The following CDH12 variants were observed in gnomAD, a reference collection of about 807,000 sequenced individuals.
The protein encoded by CDH12 is cadherin 12.
A neutral mutation model predicts 74.1 loss-of-function variants in CDH12; 41 were observed. The observed-to-expected ratio is 0.55, with a 90% CI of 0.43 to 0.72. The LOEUF (loss-of-function observed/expected upper bound fraction) is 0.72. Ranked by LOEUF, CDH12 falls within the 30% of genes least tolerant of loss-of-function variation. CDH12 has a pLI of 0.00. For synonymous variants in CDH12, 399 were observed against 355.0 expected, an observed-to-expected ratio of 1.12 and a Z score of -1.39; for missense variants, 945 against 977.2, an observed-to-expected ratio of 0.97 and a Z score of 0.44.
chr5:22,690,613 G>C (rs571064506), intron 1 of CDH12, among the ~76,000 whole-genome samples: 2 of 152,238 alleles, frequency 1.3e-5, no homozygotes, highest in South Asian at 4.1e-4. Flanking sequence ...GTGGCAGGAA[G>C]ATAAATGAGC....
chr5:22,159,559 T>G (rs559583525), intron 4 of CDH12, among the ~76,000 whole-genome samples: 1 of 152,316 alleles, frequency 6.6e-6, no homozygotes, highest in African/African-American at 2.4e-5. Flanking sequence ...ACTTAATCGC[T>G]GCTGATAAAC....
At chr5:22,370,025 A>G (rs2126338879) in intron 3 of CDH12, among the ~76,000 whole-genome samples, 1 of 152,244 alleles carries the variant, frequency 6.6e-6, no homozygotes, top group South Asian at 2.1e-4. Context: ...TCTCAAGTAT[A>G]TTGTTCCTGG....
rs142196789 is a variant in CDH12 at position 22,529,743 on chromosome 5, G to T, written c.-522-24379C>A. Among the ~76,000 whole-genome samples the T allele has an allele frequency of 3.0e-3, 453 of 152,304 alleles. 4 individuals carry two copies. The highest frequency in any genetic ancestry group is 9.8e-3 in the African/African-American group (407 of 41,566). Reference sequence around the variant, plus strand: ...CACAGTCCTCTTTAGACTGGGGCAAGGCATTAGAGACATTGGCTATCTTTT... The same window carrying T: ...CACAGTCCTCTTTAGACTGGGGCAATGCATTAGAGACATTGGCTATCTTTT... On this transcript the variant is annotated intron_variant, in intron 1 of 14. Transcript: ENST00000382254.
chr5:22,031,173 A>G lies in CDH12; in HGVS notation c.231+47273T>C, dbSNP rs981827233. Among the ~76,000 whole-genome samples, 7 of 152,170 alleles carry G rather than the reference A, an allele frequency of 4.6e-5. No homozygotes were observed. In the East Asian group the frequency reaches 1.2e-3, roughly 25 times the overall value. ...CATGGTGAAACTCTGTCTCTACTAAAAATAGAAAAAATTAGCCAGGCGTGG... is the reference window on the plus strand; with the variant it reads ...CATGGTGAAACTCTGTCTCTACTAAGAATAGAAAAAATTAGCCAGGCGTGG... On this transcript the variant is annotated intron_variant, in intron 5 of 14. Coordinates refer to ENST00000382254, the MANE Select transcript of CDH12 (RefSeq NM_004061.5).
At chr5:22,451,632 G>T (rs1019745738) in intron 2 of CDH12, among the ~76,000 whole-genome samples, 4 of 151,890 alleles carry the variant, frequency 2.6e-5, no homozygotes, top group African/African-American at 9.7e-5. Context: ...AAAGTTGAAC[G>T]TTTTTCTATA....
chr5:22,784,571 T>C (rs529621574), intron 1 of CDH12, among the ~76,000 whole-genome samples: 1 of 152,276 alleles, frequency 6.6e-6, no homozygotes, highest in African/African-American at 2.4e-5. Flanking sequence ...CTACTAAAAT[T>C]GTTCTAGTTA....
chr5:22,011,640 G>C (rs1297589256), intron 5 of CDH12, among the ~76,000 whole-genome samples: 1 of 151,844 alleles, frequency 6.6e-6, no homozygotes, highest in Admixed American at 6.6e-5. Flanking sequence ...CTTAGTCCCT[G>C]GTTTCAAAGA....
At chr5:22,218,283 C>T (rs1023936929) in intron 3 of CDH12, among the ~76,000 whole-genome samples, 1 of 151,494 alleles carries the variant, frequency 6.6e-6, no homozygotes, top group African/African-American at 2.4e-5. Context: ...TCCATTCAAA[C>T]AACTAGACAC....
Position 22,528,278 on chromosome 5 carries a change from G to C in CDH12, c.-522-22914C>G, listed in dbSNP as rs150032437. On this transcript the variant is annotated intron_variant, in intron 1 of 14. Coordinates refer to ENST00000382254, the MANE Select transcript of CDH12 (RefSeq NM_004061.5). ...GAGAGGTCACTTCCACTGTGAGTAG[G>C]GGGGGTTGCTTCCACTGGTGGTGGA... Among the ~76,000 whole-genome samples the C allele has an allele frequency of 7.1e-3, 1,077 of 152,190 alleles. 11 individuals are homozygous for C. Among genetic ancestry groups the C allele is most frequent in the African/African-American group, 0.024 (1,015 of 41,528 alleles).
intron 5 of CDH12, among the ~76,000 whole-genome samples, chr5:22,025,067 A>C (rs377410089): frequency 1.3e-5 from 2 of 152,156 alleles, no homozygotes; most frequent in African/African-American, 4.8e-5. Flanking sequence ...TAAAACAAAA[A>C]CAAAATCAAA....
At chr5:22,718,360 G>A (rs774109399) in intron 1 of CDH12, among the ~76,000 whole-genome samples, 4 of 152,138 alleles carry the variant, frequency 2.6e-5, no homozygotes, top group Non-Finnish European at 4.4e-5. Flanking sequence ...TTACATAAAT[G>A]TGAAAAAGGT....
intron 4 of CDH12, among the ~76,000 whole-genome samples, chr5:22,138,027 T>C (rs1179367187): frequency 2.0e-5 from 3 of 152,142 alleles, no homozygotes; most frequent in Non-Finnish European, 2.9e-5. Context: ...AAAGATATGC[T>C]GAAAAAAATT....
At chr5:22,204,747 C>A (rs914014602) in intron 4 of CDH12, among the ~76,000 whole-genome samples, 2 of 152,210 alleles carry the variant, frequency 1.3e-5, no homozygotes, top group African/African-American at 4.8e-5. Context: ...TGCTTTAGCA[C>A]ATAGGGTGAT....
chr5:22,132,756 T>C (rs889034960), intron 4 of CDH12, among the ~76,000 whole-genome samples: 30 of 152,054 alleles, frequency 2.0e-4, no homozygotes, highest in African/African-American at 6.5e-4. Flanking sequence ...GAGAGACCAC[T>C]GAAGGAGTGA....
chr5:22,177,269 A>C (rs932563244), intron 4 of CDH12, among the ~76,000 whole-genome samples: 15 of 152,118 alleles, frequency 9.9e-5, no homozygotes, highest in African/African-American at 3.4e-4. Context: ...TATTTTTTTC[A>C]TACAGAAGTC....
rs1468584598 is a variant in CDH12 at position 21,880,501 on chromosome 5, T to TCCTTCCTTCCTTCCTTCCTCCCTC, written c.527-25712_527-25711insGAGGGAGGAAGGAAGGAAGGAAGG. Among the ~76,000 whole-genome samples, 8 of 25,380 alleles carry TCCTTCCTTCCTTCCTTCCTCCCTC rather than the reference T, an allele frequency of 3.2e-4. 1 individual carries two copies. Among genetic ancestry groups the TCCTTCCTTCCTTCCTTCCTCCCTC allele is most frequent in the African/African-American group, 5.9e-4 (7 of 11,956 alleles). 16.7% of individuals were successfully genotyped at this position (25,380 alleles called of 152,430 possible). A position where few individuals can be genotyped will look rare whatever the true frequency, so the allele number is the denominator to read the frequency against. ...TTCCTTCCTTCCTTCCTTCCTTCCT[T>TCCTTCCTTCCTTCCTTCCTCCCTC]CCTCCCTCCCTCCCTCTTTTCTTTC... On this transcript the variant is annotated intron_variant, in intron 6 of 14. Transcript: ENST00000382254.
chr5:22,516,778 G>C (rs549659104), intron 1 of CDH12, among the ~76,000 whole-genome samples: 10 of 152,186 alleles, frequency 6.6e-5, no homozygotes, highest in African/African-American at 2.2e-4. Flanking sequence ...CTGAGGGACA[G>C]AGCGAGACCT....
chr5:22,809,173 A>G (rs1748986806), intron 1 of CDH12, among the ~76,000 whole-genome samples: 1 of 151,840 alleles, frequency 6.6e-6, no homozygotes, highest in African/African-American at 2.4e-5. Context: ...ACTAATTTTG[A>G]GTGCAGACTT....
chr5:22,502,116 G>A (rs1736182993), intron 2 of CDH12, among the ~76,000 whole-genome samples: 1 of 152,064 alleles, frequency 6.6e-6, no homozygotes, highest in Non-Finnish European at 1.5e-5. Flanking sequence ...ATATGGTTTG[G>A]CTTGTGTCCC....
Sources: gnomAD v4.1 joint callset for allele counts (sites outside exome capture counted in the v4.1 genomes callset) on GRCh38, gnomAD v4.1.1 for gene constraint, MANE v1.5 for transcripts, NCBI Gene and HGNC (gene_info 2026-07-23, HGNC 2026-07-21) for gene names.